The following PLA2G6 variants were observed in gnomAD, a reference collection of about 807,000 sequenced individuals.
PLA2G6 encodes the protein phospholipase A2 group VI.
PLA2G6 carries 62 observed loss-of-function variants against 83.8 expected under a neutral mutation model. The ratio of observed to expected loss-of-function variants is 0.74; its 90% confidence interval spans 0.60 to 0.91. The LOEUF is 0.91. Ranked by LOEUF, PLA2G6 falls within the 40% of genes least tolerant of loss-of-function variation. The probability of loss-of-function intolerance (pLI) is 0.00; values close to 1 mark genes in which losing one functional copy is unlikely to be tolerated. For synonymous variants in PLA2G6, 417 were observed against 449.8 expected (o/e 0.93, Z 0.92); for missense variants, 944 against 1,102.0 (o/e 0.86, Z 2.03).
intron 2 of PLA2G6, among the ~76,000 whole-genome samples, chr22:38,160,705 C>T (rs533954807): frequency 7.2e-5 from 11 of 152,170 alleles, no homozygotes; most frequent in African/African-American, 2.2e-4. Context: ...ATTAGCCGGG[C>T]GTGGTGGCGG....
chr22:38,114,460 C>G (rs2087066728), intron 14 of PLA2G6, among the ~76,000 whole-genome samples: 1 of 152,228 alleles, frequency 6.6e-6, no homozygotes, highest in Admixed American at 6.5e-5. Flanking sequence ...GCTGGGATTA[C>G]AGGCGTGAGC....
chr22:38,140,391 C>T, intron 4 of PLA2G6: 1 of 516,622 alleles, frequency 1.9e-6, no homozygotes, highest in Non-Finnish European at 3.5e-6. Flanking sequence ...ACCTGTAATC[C>T]CAGCTACTCA....
chr22:38,134,667 C>T (rs763374259), intron 6 of PLA2G6: 187 of 371,906 alleles, frequency 5.0e-4, no homozygotes, highest in Non-Finnish European at 6.8e-4. Context: ...ATCATCATCA[C>T]GCCACCTTCT....
intron 3 of PLA2G6, chr22:38,143,627 A>G: frequency 2.4e-6 from 1 of 424,804 alleles, no homozygotes; most frequent in South Asian, 2.1e-5. Context: ...CTGGGCGTCA[A>G]TATCCTTATC....
chr22:38,114,174 G>A (rs1203823335), intron 14 of PLA2G6, among the ~76,000 whole-genome samples: 5 of 151,234 alleles, frequency 3.3e-5, no homozygotes, highest in Non-Finnish European at 7.4e-5. Context: ...TGAGCCCTGG[G>A]TGCTGCCTTT....
intron 2 of PLA2G6, among the ~76,000 whole-genome samples, chr22:38,152,690 C>T (rs934486698): frequency 6.6e-6 from 1 of 152,126 alleles, no homozygotes; most frequent in Non-Finnish European, 1.5e-5. Context: ...TATAGCAACA[C>T]TAAACAGACA....
At chr22:38,165,992 G>A (rs562395044) in intron 2 of PLA2G6, among the ~76,000 whole-genome samples, 80 of 152,362 alleles carry the variant, frequency 5.3e-4, no homozygotes, top group African/African-American at 1.9e-3. Context: ...ACAGCAGCTT[G>A]GAAGAGGATG....
chr22:38,168,831 C>G (rs887598138), intron 2 of PLA2G6, among the ~76,000 whole-genome samples: 1 of 152,154 alleles, frequency 6.6e-6, no homozygotes, highest in African/African-American at 2.4e-5. Context: ...GCCTGGGCAA[C>G]AGAGCAAGAC....
intron 2 of PLA2G6, among the ~76,000 whole-genome samples, chr22:38,157,609 C>A (rs532740517): frequency 1.3e-5 from 2 of 152,288 alleles, no homozygotes; most frequent in African/African-American, 4.8e-5. Flanking sequence ...TTCTATGAGG[C>A]CAGTATTGCC....
chr22:38,122,616 C>T (rs2145719729), intron 11 of PLA2G6, among the ~76,000 whole-genome samples: 1 of 152,354 alleles, frequency 6.6e-6, no homozygotes, highest in South Asian at 2.1e-4. Flanking sequence ...TCCCTCCCCA[C>T]CTGGGAACTT....
chr22:38,164,119 G>C (rs1024666139), intron 2 of PLA2G6, among the ~76,000 whole-genome samples: 1 of 152,136 alleles, frequency 6.6e-6, no homozygotes, highest in Admixed American at 6.6e-5. Context: ...ATCTGTACCA[G>C]GAACAGAAGT....
At chr22:38,119,682 A>G (rs570899509) in intron 12 of PLA2G6, among the ~76,000 whole-genome samples, 1 of 152,226 alleles carries the variant, frequency 6.6e-6, no homozygotes, top group African/African-American at 2.4e-5. Context: ...ATGTGTTGGC[A>G]CATGCTAGTA....
At chr22:38,145,304 C>T (rs1246010111) in intron 3 of PLA2G6, 134 bp downstream of exon 3, 7 of 779,938 alleles carry the variant, frequency 9.0e-6, no homozygotes, top group Middle Eastern at 3.5e-4. Flanking sequence ...GCTGGGACTG[C>T]GTTAGTGAGC....
intron 2 of PLA2G6, among the ~76,000 whole-genome samples, chr22:38,165,922 C>G (rs769850497): frequency 3.6e-4 from 55 of 151,948 alleles, no homozygotes; most frequent in Admixed American, 1.9e-3. Context: ...AACAGGAAGC[C>G]CTTGGGGAGT....
rs146241431 is a variant in PLA2G6, at chr22:38,132,918, G to A, written c.990C>T (p.Phe330=). ...ALHVAVMRNR[F]DCAIVLLTHG... Reference sequence around the variant, plus strand: ...GGGTCAGCAGCACTATGGCACAGTCGAAGCGGTTGCGCATCACCGCCACGT... The same window carrying A: ...GGGTCAGCAGCACTATGGCACAGTCAAAGCGGTTGCGCATCACCGCCACGT... Residue 330 remains phenylalanine (F), a synonymous_variant, in exon 7 of 17, where the codon TTC becomes TTT. Coordinates refer to ENST00000332509, the MANE Select transcript of PLA2G6 (RefSeq NM_003560.4). This position sits in a 1 kb window ranked among gnomAD's most constrained non-coding sequence, Gnocchi z 5.0. 2.1e-3 allele frequency: 3,247 copies of A among 1,557,576 alleles called. 9 individuals carry two copies. Among genetic ancestry groups the A allele is most frequent in the Non-Finnish European group, 2.6e-3 (3,008 of 1,151,188 alleles).
At chr22:38,143,416 A>G (rs1328088239) in intron 3 of PLA2G6, 128 bp from the exon 4 acceptor site, 17 of 794,664 alleles carry the variant, frequency 2.1e-5, no homozygotes, top group Non-Finnish European at 3.4e-5. Flanking sequence ...GCTCAAGAGC[A>G]TTCCCGCCAC....
chr22:38,112,239 G>A lies in PLA2G6; in HGVS notation c.2343C>T (p.Ala781=), dbSNP rs1437439194. ...AGATGTAGACCTCGGTCTCCCAGAG[G>A]GCGTTGACCAGCACTGTGTCACTGA... ...DEVSDTVLVN[A]LWETEVYIYE... is the part of the protein sequence containing the mutation. The change falls in exon 17 of 17, where the codon GCC becomes GCT. Residue 781 remains alanine (A), a synonymous_variant. Transcript: ENST00000332509. 1 of 1,612,962 alleles carries A rather than the reference G, an allele frequency of 6.2e-7. No individual in the cohort carries two copies. Among genetic ancestry groups the A allele is most frequent in the Admixed American group, 1.7e-5 (1 of 59,848 alleles).
At chr22:38,115,801 A>C (rs1602067272) in intron 13 of PLA2G6, 120 bp from the exon 14 acceptor site, 1 of 1,485,242 alleles carries the variant, frequency 6.7e-7, no homozygotes. Context: ...GAGGCTGGGA[A>C]CTCTTCAGAA....
intron 2 of PLA2G6, chr22:38,148,464 G>A: frequency 2.8e-6 from 2 of 715,326 alleles, no homozygotes; most frequent in Non-Finnish European, 5.2e-6. Context: ...GGCAGGCACT[G>A]GATACCTCAA....
Sources: gnomAD v4.1 joint callset for allele counts (sites outside exome capture counted in the v4.1 genomes callset) on GRCh38, gnomAD v4.1.1 for gene constraint, Gnocchi (gnomAD v3.1) non-coding constraint, MANE v1.5 for transcripts, NCBI Gene and HGNC (gene_info 2026-07-23, HGNC 2026-07-21) for gene names.